Variants in PAQR5 observed in about 807,000 individuals in gnomAD.
The protein encoded by PAQR5 is membrane progestin receptor gamma.
A neutral mutation model predicts 34.5 loss-of-function variants in PAQR5; 20 were observed. That is an observed-to-expected ratio of 0.58 (90% CI 0.41 to 0.84). PAQR5 has a LOEUF of 0.84. Ranked by LOEUF, PAQR5 falls within the 40% of genes least tolerant of loss-of-function variation. The pLI is 0.00. For synonymous variants in PAQR5, 131 were observed against 155.6 expected (o/e 0.84, Z 1.18); for missense variants, 378 against 412.7 (o/e 0.92, Z 0.73).
chr15:69,392,041 A>G (rs747104081), intron 6 of PAQR5: 2 of 290,380 alleles, frequency 6.9e-6, no homozygotes, highest in South Asian at 6.0e-5. Flanking sequence ...CGGGCAGTGG[A>G]GCCAAGAAAA....
intron 1 of PAQR5, among the ~76,000 whole-genome samples, chr15:69,304,216 C>A (rs145856230): frequency 5.3e-5 from 8 of 152,300 alleles, no homozygotes; most frequent in Non-Finnish European, 7.4e-5. Flanking sequence ...GAGGGTGAGG[C>A]CCTGACCTAA....
rs940928701 is a variant in PAQR5 at position 69,404,947 on chromosome 15, A to G, written c.*1125A>G. On this transcript the variant is annotated 3_prime_UTR_variant, in exon 9 of 9. Coordinates refer to ENST00000395407, the MANE Select transcript of PAQR5 (RefSeq NM_017705.4). Reference sequence around the variant, plus strand: ...TCTAATACAGGAGGGCCAGAGGCCAAACTTGAAGAACTGCTGGTGTTACAT... The same window carrying G: ...TCTAATACAGGAGGGCCAGAGGCCAGACTTGAAGAACTGCTGGTGTTACAT... The G allele has an allele frequency of 5.3e-5, 21 of 398,620 alleles. No individual in the cohort carries two copies. In the Admixed American group the frequency reaches 7.5e-4, roughly 14 times the overall value. The allele number at this position is 398,620 out of a possible 1,614,324, so 24.7% of individuals were successfully genotyped here.
Position 69,360,561 on chromosome 15 carries a change from G to C in PAQR5, c.51+430G>C, listed in dbSNP as rs200653509. On this transcript the variant is annotated intron_variant, in intron 3 of 8. Transcript: ENST00000395407. ...ATGCCCAGGCCAGGCCTTCACTGGG[G>C]CGATGGGGAGGGTTGTTGAATGAGC... Among the ~76,000 whole-genome samples the C allele has an allele frequency of 1.1e-4, 16 of 152,306 alleles. No homozygotes were observed. The East Asian group carries it at 3.1e-3, about 29-fold the overall frequency.
At chr15:69,370,373 C>T (rs1433876823) in intron 3 of PAQR5, among the ~76,000 whole-genome samples, 2 of 152,194 alleles carry the variant, frequency 1.3e-5, no homozygotes, top group Non-Finnish European at 2.9e-5. Context: ...CTGCCCTTAA[C>T]AGATGCTAAG....
chr15:69,302,960 G>A (rs2053637487), intron 1 of PAQR5, among the ~76,000 whole-genome samples: 1 of 152,112 alleles, frequency 6.6e-6, no homozygotes, highest in South Asian at 2.1e-4. Flanking sequence ...ATTTTCCATG[G>A]CTCACATCCC....
In PAQR5 at chr15:69,358,714, C is replaced by T. The variant is rs527349091; in HGVS notation, c.-115-1252C>T. On this transcript the variant is annotated intron_variant, in intron 2 of 8. Transcript: ENST00000395407. ...TGGCATGATCATGGCTCACAGCAGC[C>T]TTGACCTCCTGGGCTGAAGTGATCT... 2.2e-5 allele frequency among the ~76,000 whole-genome samples: 3 copies of T among 135,788 alleles called. No individual in the cohort carries two copies. The South Asian group carries it at 7.0e-4, about 32-fold the overall frequency. 89.1% of individuals were successfully genotyped at this position (135,788 alleles called of 152,430 possible). A position where few individuals can be genotyped will look rare whatever the true frequency, so the allele number is the denominator to read the frequency against.
intron 6 of PAQR5, chr15:69,397,078 A>G: frequency 4.7e-6 from 2 of 429,876 alleles, no homozygotes; most frequent in Middle Eastern, 3.5e-4. Flanking sequence ...GTGCCCCCCA[A>G]GAGTCTGTGG....
Position 69,359,976 on chromosome 15 carries a change from C to T in PAQR5, c.-105C>T, listed in dbSNP as rs2055189851. On this transcript the variant is annotated 5_prime_UTR_variant, in exon 3 of 9. Coordinates refer to ENST00000395407, the MANE Select transcript of PAQR5 (RefSeq NM_017705.4). ...GCTGTCCTCTTTCAGGGAAGCGGCA[C>T]AGCACCAGCTAGGCAGAGACGCCCC... is the stretch of plus-strand genomic sequence containing the variant. 14 of 843,258 alleles carry T rather than the reference C, an allele frequency of 1.7e-5. No homozygotes were observed. Among genetic ancestry groups the T allele is most frequent in the Non-Finnish European group, 2.6e-5 (13 of 500,526 alleles). 52.2% of individuals were successfully genotyped at this position (843,258 alleles called of 1,614,324 possible).
intron 3 of PAQR5, among the ~76,000 whole-genome samples, chr15:69,376,575 G>A (rs1444978453): frequency 6.6e-6 from 1 of 152,202 alleles, no homozygotes; most frequent in African/African-American, 2.4e-5. Context: ...TCCTGGGACA[G>A]AGGGACTCCT....
intron 6 of PAQR5, among the ~76,000 whole-genome samples, chr15:69,396,240 T>C (rs1223168082): frequency 1.4e-5 from 2 of 138,310 alleles, no homozygotes; most frequent in African/African-American, 2.7e-5. Context: ...CCTGGCCAGG[T>C]GAAATCGGTC....
rs1014354675 is a variant in PAQR5, at chr15:69,299,028, A to C, written c.-305A>C. 1.1e-4 allele frequency: 17 copies of C among 151,856 alleles called. No homozygotes were observed. The highest frequency in any genetic ancestry group is 2.4e-4 in the Non-Finnish European group (16 of 67,978). The allele number at this position is 151,856 out of a possible 1,614,324, so 9.4% of individuals were successfully genotyped here. ...CCTGTGCTGTCCCCGCGCCCTGTCC[A>C]CTGGACTCCCGAGACCCTTGGAACC... On this transcript the variant is annotated 5_prime_UTR_variant, in exon 1 of 9. Transcript: ENST00000395407.
At chr15:69,318,389 G>C (rs1002871151) in intron 1 of PAQR5, among the ~76,000 whole-genome samples, 2 of 152,216 alleles carry the variant, frequency 1.3e-5, no homozygotes, top group African/African-American at 4.8e-5. Flanking sequence ...GGTGGAGGCA[G>C]GTGATCCCTC....
chr15:69,403,854 A>C lies in PAQR5; in HGVS notation c.*32A>C, dbSNP rs776508450. On this transcript the variant is annotated 3_prime_UTR_variant, in exon 9 of 9. Transcript: ENST00000395407. ...CCATAAGCTTTTCATGCCAGATGTC[A>C]ACATTAAGCTGCAACATCCTAACCA... 3.7e-6 allele frequency: 6 copies of C among 1,606,304 alleles called. No individual in the cohort carries two copies. The South Asian group carries it at 6.6e-5, about 18-fold the overall frequency.
chr15:69,345,799 CA>C lies in PAQR5; in HGVS notation c.-116+8299del, dbSNP rs1466536042. Among the ~76,000 whole-genome samples, 3 of 152,050 alleles carry C rather than the reference CA, an allele frequency of 2.0e-5. No individual in the cohort carries two copies. The East Asian group carries it at 5.8e-4, about 29-fold the overall frequency. On this transcript the variant is annotated intron_variant, in intron 2 of 8. Transcript: ENST00000395407. Reference sequence around the variant, plus strand: ...GGTAAAAAAAGAAATCTTGCATAGTCAGGGGTGCCTGTAGTCCCAGGTACTT... The same window carrying C: ...GGTAAAAAAAGAAATCTTGCATAGTCGGGGTGCCTGTAGTCCCAGGTACTT...
At chr15:69,354,388 G>A (rs973572215) in intron 2 of PAQR5, among the ~76,000 whole-genome samples, 4 of 152,000 alleles carry the variant, frequency 2.6e-5, no homozygotes, top group African/African-American at 9.7e-5. Flanking sequence ...TCTTCATCAC[G>A]TAATATAAGA....
intron 1 of PAQR5, among the ~76,000 whole-genome samples, chr15:69,302,367 C>A (rs1595822646): frequency 6.6e-6 from 1 of 152,030 alleles, no homozygotes; most frequent in South Asian, 2.1e-4. Flanking sequence ...TCCACCATGC[C>A]CAGCCAGAAA....
intron 1 of PAQR5, among the ~76,000 whole-genome samples, chr15:69,332,514 G>A (rs2054405418): frequency 6.6e-6 from 1 of 152,086 alleles, no homozygotes; most frequent in Non-Finnish European, 1.5e-5. Flanking sequence ...CTTGAAATTG[G>A]CTTCTCTAGG....
chr15:69,322,945 G>T lies in PAQR5; in HGVS notation c.-276-14396G>T, dbSNP rs1322956587. On this transcript the variant is annotated intron_variant, in intron 1 of 8. Coordinates refer to ENST00000395407, the MANE Select transcript of PAQR5 (RefSeq NM_017705.4). The stretch of plus-strand genomic sequence containing the variant: ...AGCGCATGGGGGTGGGAAGTTCCTG[G>T]TGCACTAAGGACCGAGATGACAGGA... 1.3e-5 allele frequency among the ~76,000 whole-genome samples: 2 copies of T among 149,706 alleles called. 1 individual carries two copies. The highest frequency in any genetic ancestry group is 2.9e-5 in the Non-Finnish European group (2 of 67,898).
intron 1 of PAQR5, among the ~76,000 whole-genome samples, chr15:69,312,862 A>G (rs1366755877): frequency 6.6e-6 from 1 of 151,872 alleles, no homozygotes; most frequent in Admixed American, 6.6e-5. Flanking sequence ...GGGGGTGGGG[A>G]TTTGCCTGTT....
Sources: allele counts gnomAD v4.1 joint callset (sites outside exome capture counted in the v4.1 genomes callset), GRCh38; gene constraint gnomAD v4.1.1; transcripts MANE v1.5; gene names NCBI Gene and HGNC (gene_info 2026-07-23, HGNC 2026-07-21).